Variants in CHCHD3 observed in about 807,000 individuals in gnomAD.
CHCHD3 encodes MICOS complex subunit MIC19.
Under a neutral mutation model 38.2 loss-of-function variants are expected in CHCHD3, and 20 were observed. That is an observed-to-expected ratio of 0.52 (90% CI 0.37 to 0.76). The LOEUF is 0.76. CHCHD3 is among the 30% of genes least tolerant of loss of function. The pLI is 0.00. For synonymous variants in CHCHD3, 82 were observed against 100.0 expected, an observed-to-expected ratio of 0.82 and a Z score of 1.07; for missense variants, 245 against 279.2, an observed-to-expected ratio of 0.88 and a Z score of 0.87.
At chr7:132,939,653 TAAACATTA>T (rs1810717542) in intron 4 of CHCHD3, among the ~76,000 whole-genome samples, 1 of 152,198 alleles carries the variant, frequency 6.6e-6, no homozygotes, top group Admixed American at 6.5e-5. Context: ...AGTGACTCTC[TAAACATTA>T]AGGAGTCCTT....
chr7:133,051,774 A>G (rs1399134405), intron 2 of CHCHD3, among the ~76,000 whole-genome samples: 4 of 152,214 alleles, frequency 2.6e-5, no homozygotes, highest in Non-Finnish European at 5.9e-5. Context: ...TTATAACTAT[A>G]TGTAGCTATA....
At chr7:132,820,384 G>A (rs1210899080) in intron 6 of CHCHD3, among the ~76,000 whole-genome samples, 2 of 152,144 alleles carry the variant, frequency 1.3e-5, no homozygotes, top group African/African-American at 4.8e-5. Flanking sequence ...GTGGGTATTA[G>A]GATTCCGCTA....
chr7:132,913,308 T>G (rs1469974194), intron 4 of CHCHD3, among the ~76,000 whole-genome samples: 4 of 152,274 alleles, frequency 2.6e-5, no homozygotes, highest in East Asian at 1.9e-4. Flanking sequence ...CAAATAAATT[T>G]TTTAAGTCAC....
chr7:132,898,042 G>A (rs1018745965), intron 4 of CHCHD3, among the ~76,000 whole-genome samples: 8 of 151,698 alleles, frequency 5.3e-5, no homozygotes, highest in African/African-American at 1.9e-4. Flanking sequence ...TTAAGGCGGC[G>A]TGTCTGGAGT....
intron 1 of CHCHD3, among the ~76,000 whole-genome samples, chr7:133,070,915 A>G (rs1276875742): frequency 6.6e-6 from 1 of 152,244 alleles, no homozygotes; most frequent in East Asian, 1.9e-4. Flanking sequence ...GGATTAGGGA[A>G]GATTTACAAG....
At chr7:132,898,654 G>A (rs1213663136) in intron 4 of CHCHD3, among the ~76,000 whole-genome samples, 1 of 152,262 alleles carries the variant, frequency 6.6e-6, no homozygotes, top group Non-Finnish European at 1.5e-5. Flanking sequence ...TGTGGAGCAG[G>A]GGGTGGCGCT....
chr7:132,926,214 G>C (rs1244063577), intron 4 of CHCHD3, among the ~76,000 whole-genome samples: 1 of 152,194 alleles, frequency 6.6e-6, no homozygotes, highest in Non-Finnish European at 1.5e-5. Flanking sequence ...CAATGTCCAA[G>C]ACAGCAAGTT....
chr7:133,070,328 AT>A, intron 1 of CHCHD3, 99 bp from the exon 2 acceptor site: 1 of 855,608 alleles, frequency 1.2e-6, no homozygotes, highest in Non-Finnish European at 1.9e-6. Context: ...ATCCATACAT[AT>A]GACGAATGCC....
chr7:132,816,522 T>G (rs1807203714), intron 6 of CHCHD3, among the ~76,000 whole-genome samples: 1 of 152,204 alleles, frequency 6.6e-6, no homozygotes, highest in African/African-American at 2.4e-5. Flanking sequence ...CATAGTTAAT[T>G]GCACGATCTC....
intron 6 of CHCHD3, among the ~76,000 whole-genome samples, chr7:132,832,762 A>C (rs1807681405): frequency 6.6e-6 from 1 of 152,222 alleles, no homozygotes; most frequent in East Asian, 1.9e-4. Context: ...TAGGTGTGGC[A>C]TATCAGCTCC....
At chr7:132,846,862 C>G (rs1324875147) in intron 5 of CHCHD3, among the ~76,000 whole-genome samples, 1 of 152,128 alleles carries the variant, frequency 6.6e-6, no homozygotes, top group Admixed American at 6.5e-5. Context: ...TGCAATGCTA[C>G]CACAAAAAGG....
chr7:132,888,125 T>C (rs1809262405), intron 4 of CHCHD3, among the ~76,000 whole-genome samples: 2 of 151,868 alleles, frequency 1.3e-5, no homozygotes, highest in African/African-American at 2.4e-5. Context: ...ATAACCTCTT[T>C]TTTTGTAAGG....
At chr7:132,971,771 T>C (rs1484848148) in intron 4 of CHCHD3, among the ~76,000 whole-genome samples, 3 of 152,234 alleles carry the variant, frequency 2.0e-5, no homozygotes, top group Non-Finnish European at 1.5e-5. Context: ...TCCTGCAGAC[T>C]GCAACATTTG....
chr7:132,918,791 A>G (rs1052821072), intron 4 of CHCHD3, among the ~76,000 whole-genome samples: 5 of 152,202 alleles, frequency 3.3e-5, no homozygotes, highest in Non-Finnish European at 7.3e-5. Context: ...TTTTTCATAG[A>G]AACAGCTACA....
chr7:132,785,694 C>T, intron 7 of CHCHD3, 34 bp from the exon 8 acceptor site: 2 of 1,610,596 alleles, frequency 1.2e-6, no homozygotes, highest in Non-Finnish European at 1.7e-6. Context: ...AGTTTTACCA[C>T]CGGGAGAGGA....
At position 133,034,729 on chromosome 7, in the gene CHCHD3, T is replaced by A. The variant is rs766268148; in HGVS notation, c.170-10102A>T. On this transcript the variant is annotated intron_variant, in intron 2 of 7. Transcript: ENST00000262570. ...CTGCCAGGATCCAGTTTCCGCCATG[T>A]GTATGACTCGTAGTCCACCTGCCAA... The A allele has an allele frequency of 5.6e-6, 9 of 1,613,510 alleles. No individual in the cohort carries two copies. In the African/African-American group the frequency reaches 9.3e-5, roughly 17 times the overall value.
chr7:133,078,108 G>A (rs1815057596), intron 1 of CHCHD3, among the ~76,000 whole-genome samples: 1 of 152,128 alleles, frequency 6.6e-6, no homozygotes, highest in Admixed American at 6.5e-5. Flanking sequence ...AGGAGTTTGA[G>A]ACCAGCCTGG....
chr7:132,854,186 G>T (rs1170884717), intron 5 of CHCHD3, among the ~76,000 whole-genome samples: 1 of 152,120 alleles, frequency 6.6e-6, no homozygotes, highest in Non-Finnish European at 1.5e-5. Flanking sequence ...AAATAATCAT[G>T]AATGTATACA....
intron 4 of CHCHD3, among the ~76,000 whole-genome samples, chr7:132,921,771 T>C (rs1810268868): frequency 1.3e-5 from 2 of 152,246 alleles, no homozygotes; most frequent in Non-Finnish European, 2.9e-5. Flanking sequence ...CTGCAAAGCC[T>C]GAAGGGCACT....
Sources: allele counts gnomAD v4.1 joint callset (sites outside exome capture counted in the v4.1 genomes callset), GRCh38; gene constraint gnomAD v4.1.1; transcripts MANE v1.5; gene names NCBI Gene and HGNC (gene_info 2026-07-23, HGNC 2026-07-21).